The following NKAIN3 variants were observed in gnomAD, a reference collection of about 807,000 sequenced individuals.
NKAIN3 encodes sodium/potassium transporting ATPase interacting 3.
A neutral mutation model predicts 30.2 loss-of-function variants in NKAIN3; 25 were observed. The observed-to-expected ratio is 0.83, with a 90% CI of 0.60 to 1.16. The LOEUF (loss-of-function observed/expected upper bound fraction) is 1.16. NKAIN3 is among the 50% of genes most tolerant of loss of function. The pLI is 0.00. For missense variants in NKAIN3, 225 were observed against 254.1 expected (o/e 0.89, Z 0.78); for synonymous variants, 91 against 89.6 (o/e 1.02, Z -0.09).
intron 3 of NKAIN3, among the ~76,000 whole-genome samples, chr8:62,623,580 G>A (rs1422858366): frequency 6.6e-6 from 1 of 152,038 alleles, no homozygotes; most frequent in African/African-American, 2.4e-5. Context: ...CTTATCCTCT[G>A]ATGCTCTTCT....
chr8:62,912,057 C>T (rs1198788419), intron 4 of NKAIN3, among the ~76,000 whole-genome samples: 1 of 152,072 alleles, frequency 6.6e-6, no homozygotes, highest in Non-Finnish European at 1.5e-5. Flanking sequence ...AGTTTACTTA[C>T]ACAGAACTAG....
intron 1 of NKAIN3, among the ~76,000 whole-genome samples, chr8:62,576,727 T>C (rs1810121124): frequency 6.6e-6 from 1 of 152,160 alleles, no homozygotes; most frequent in Admixed American, 6.5e-5. Context: ...GACCATAGAA[T>C]GGGGAAGGGA....
chr8:62,345,420 C>CACATATGT (rs1311399718), intron 1 of NKAIN3, among the ~76,000 whole-genome samples: 21 of 113,244 alleles, frequency 1.9e-4, no homozygotes, highest in Admixed American at 5.3e-4. Flanking sequence ...TATATATACA[C>CACATATGT]ATATATACAC....
chr8:62,400,702 T>TG (rs5891853), intron 1 of NKAIN3, among the ~76,000 whole-genome samples: 1 of 28,174 alleles, frequency 3.5e-5, no homozygotes, highest in Non-Finnish European at 9.7e-5. Flanking sequence ...AAGTTAACAG[T>TG]TTTTTTTTTT....
At chr8:62,724,784 A>G (rs528902597) in intron 3 of NKAIN3, among the ~76,000 whole-genome samples, 24 of 152,170 alleles carry the variant, frequency 1.6e-4, no homozygotes, top group African/African-American at 5.3e-4. Flanking sequence ...TCTTTTGTTG[A>G]TGGACACTTG....
intron 4 of NKAIN3, among the ~76,000 whole-genome samples, chr8:62,772,209 G>A (rs1817036139): frequency 1.3e-5 from 2 of 152,108 alleles, no homozygotes; most frequent in African/African-American, 4.8e-5. Context: ...GATGATTTCA[G>A]GTTCCATCTA....
rs759942562 is a variant in NKAIN3 at position 62,983,934 on chromosome 8, G to C, written c.*18527G>C. 2 of 152,282 alleles carry C rather than the reference G, an allele frequency of 1.3e-5. No homozygotes were observed. The highest frequency in any genetic ancestry group is 2.4e-5 in the African/African-American group (1 of 41,558). 9.4% of individuals were successfully genotyped at this position (152,282 alleles called of 1,614,324 possible). A position where few individuals can be genotyped will look rare whatever the true frequency, so the allele number is the denominator to read the frequency against. ...AGAATGGTGACTTTGGACCCAGTTT[G>C]ACTGGTTAGCGTTTAAATAAAACTT... On this transcript the variant is annotated 3_prime_UTR_variant, in exon 7 of 7. Transcript: ENST00000623646.
intron 3 of NKAIN3, among the ~76,000 whole-genome samples, chr8:62,712,514 T>TG (rs1248707444): frequency 6.6e-6 from 1 of 151,914 alleles, no homozygotes; most frequent in African/African-American, 2.4e-5. Flanking sequence ...ATCAGGGAAG[T>TG]GGGGGAAAGC....
intron 4 of NKAIN3, among the ~76,000 whole-genome samples, chr8:62,788,463 A>G (rs202032222): frequency 6.6e-6 from 1 of 151,402 alleles, no homozygotes; most frequent in Non-Finnish European, 1.5e-5. Context: ...GATTGCAAAA[A>G]TTTTCTCCCA....
At chr8:62,528,324 A>AT (rs1491467644) in intron 1 of NKAIN3, among the ~76,000 whole-genome samples, 1 of 73,354 alleles carries the variant, frequency 1.4e-5, no homozygotes, top group Non-Finnish European at 2.6e-5. Flanking sequence ...TATATTATAT[A>AT]ATATATATAT....
At chr8:62,720,003 C>T (rs899744400) in intron 3 of NKAIN3, among the ~76,000 whole-genome samples, 5 of 152,120 alleles carry the variant, frequency 3.3e-5, no homozygotes, top group East Asian at 1.9e-4. Context: ...GTGATCCGCC[C>T]GCCTCCGCCT....
chr8:62,755,121 G>C (rs1166758092), intron 4 of NKAIN3, among the ~76,000 whole-genome samples: 1 of 152,212 alleles, frequency 6.6e-6, no homozygotes, highest in Non-Finnish European at 1.5e-5. Flanking sequence ...CATGAGGGTA[G>C]TGTTATTATA....
chr8:62,584,884 T>A (rs377678374), intron 2 of NKAIN3, among the ~76,000 whole-genome samples: 1 of 152,226 alleles, frequency 6.6e-6, no homozygotes, highest in African/African-American at 2.4e-5. Context: ...CAACAATGTG[T>A]ACTTCTGGAA....
intron 4 of NKAIN3, among the ~76,000 whole-genome samples, chr8:62,784,453 T>A (rs1817452602): frequency 6.6e-6 from 1 of 151,880 alleles, no homozygotes; most frequent in African/African-American, 2.4e-5. Context: ...AGGGACATAA[T>A]TATTGACCAT....
At chr8:62,949,131 T>C (rs62508086) in intron 5 of NKAIN3, among the ~76,000 whole-genome samples, 9 of 152,198 alleles carry the variant, frequency 5.9e-5, no homozygotes, top group Non-Finnish European at 1.0e-4. Flanking sequence ...TTATTTCTCA[T>C]AGGAAGCTGC....
At chr8:62,855,122 A>C (rs1820023014) in intron 4 of NKAIN3, 1 of 193,462 alleles carries the variant, frequency 5.2e-6, no homozygotes, top group African/African-American at 2.3e-5. Context: ...TAAAGTAAGG[A>C]ACAGCAAAGT....
chr8:62,488,548 T>C (rs375151320), intron 1 of NKAIN3, among the ~76,000 whole-genome samples: 6 of 152,158 alleles, frequency 3.9e-5, no homozygotes, highest in African/African-American at 1.4e-4. Context: ...TAAATATTTA[T>C]TGAGAATGAA....
chr8:62,849,263 A>G (rs1586265080), intron 4 of NKAIN3, among the ~76,000 whole-genome samples: 2 of 148,664 alleles, frequency 1.3e-5, no homozygotes, highest in Non-Finnish European at 1.5e-5. Context: ...TACCTCTGCT[A>G]GAATTCAGAT....
chr8:62,597,749 A>G (rs945913360), intron 3 of NKAIN3, among the ~76,000 whole-genome samples: 1 of 152,004 alleles, frequency 6.6e-6, no homozygotes, highest in African/African-American at 2.4e-5. Context: ...TATATACTTT[A>G]TAATAGGAAT....
Sources: allele counts gnomAD v4.1 joint callset (sites outside exome capture counted in the v4.1 genomes callset), GRCh38; gene constraint gnomAD v4.1.1; transcripts MANE v1.5; gene names NCBI Gene and HGNC (gene_info 2026-07-23, HGNC 2026-07-21).